CSMD1: variants seen among roughly 807,000 people sequenced by gnomAD.
CSMD1 encodes CUB and Sushi multiple domains 1.
CSMD1 carries 213 observed loss-of-function variants against 417.5 expected under a neutral mutation model. The observed-to-expected ratio is 0.51, with a 90% CI of 0.46 to 0.57. The LOEUF (loss-of-function observed/expected upper bound fraction) is 0.57. CSMD1 is among the 20% of genes least tolerant of loss of function. The pLI, the probability that CSMD1 is intolerant of heterozygous loss-of-function variation, is 0.00. For synonymous variants in CSMD1, 2,862 were observed against 1,736.8 expected (o/e 1.65, Z -16.11); for missense variants, 6,923 against 4,529.7 (o/e 1.53, Z -15.17).
At chr8:3,820,075 C>G (rs1372715255) in intron 5 of CSMD1, among the ~76,000 whole-genome samples, 1 of 152,188 alleles carries the variant, frequency 6.6e-6, no homozygotes, top group Non-Finnish European at 1.5e-5. Flanking sequence ...TTAAGACGCT[C>G]AGTGATTCTG....
intron 1 of CSMD1, among the ~76,000 whole-genome samples, chr8:4,767,568 C>A (rs1585067286): frequency 6.6e-6 from 1 of 152,136 alleles, no homozygotes; most frequent in Non-Finnish European, 1.5e-5. Flanking sequence ...TGGGGCCTCT[C>A]CTCCCTTTCC....
chr8:3,631,451 G>C (rs958434568), intron 7 of CSMD1, among the ~76,000 whole-genome samples: 4 of 152,206 alleles, frequency 2.6e-5, no homozygotes, highest in African/African-American at 9.6e-5. Flanking sequence ...TTGAGGTCAA[G>C]AATAGGCAGA....
At chr8:3,998,517 A>G (rs991213050) in intron 4 of CSMD1, among the ~76,000 whole-genome samples, 1 of 152,196 alleles carries the variant, frequency 6.6e-6, no homozygotes, top group Admixed American at 6.6e-5. Flanking sequence ...GGCTTTGAGA[A>G]TACTGTGCTC....
intron 3 of CSMD1, among the ~76,000 whole-genome samples, chr8:4,066,608 A>T (rs1283811745): frequency 1.3e-5 from 2 of 152,180 alleles, no homozygotes; most frequent in Non-Finnish European, 2.9e-5. Context: ...CCAGAAGGGA[A>T]ATGTACCACA....
At chr8:4,401,387 G>C (rs180947479) in intron 3 of CSMD1, among the ~76,000 whole-genome samples, 2 of 152,298 alleles carry the variant, frequency 1.3e-5, no homozygotes, top group African/African-American at 4.8e-5. Context: ...AGGTGTATCA[G>C]ATGTTAGTTG....
intron 49 of CSMD1, among the ~76,000 whole-genome samples, chr8:3,058,873 C>G (rs1035771317): frequency 2.0e-5 from 3 of 152,082 alleles, no homozygotes; most frequent in African/African-American, 7.2e-5. Context: ...CTCAAGTACC[C>G]TGCAGGGACC....
At chr8:4,792,286 A>G (rs1797733401) in intron 1 of CSMD1, among the ~76,000 whole-genome samples, 1 of 152,198 alleles carries the variant, frequency 6.6e-6, no homozygotes, top group Admixed American at 6.5e-5. Flanking sequence ...CTACACCCCT[A>G]TAAAGGTGCA....
At chr8:3,484,182 A>G (rs1228234295) in intron 11 of CSMD1, among the ~76,000 whole-genome samples, 3 of 152,254 alleles carry the variant, frequency 2.0e-5, no homozygotes, top group African/African-American at 4.8e-5. Flanking sequence ...TGATATTAAC[A>G]TTTACTAAAC....
intron 41 of CSMD1, among the ~76,000 whole-genome samples, chr8:3,135,150 G>C (rs889620602): frequency 6.6e-6 from 1 of 152,092 alleles, no homozygotes; most frequent in African/African-American, 2.4e-5. Flanking sequence ...TCCTGGCCTT[G>C]AGCAATCTTC....
intron 1 of CSMD1, among the ~76,000 whole-genome samples, chr8:4,964,918 A>G (rs1563886619): frequency 6.6e-6 from 1 of 152,158 alleles, no homozygotes. Flanking sequence ...TTTTCAGCAC[A>G]TCAGCCCTTG....
intron 2 of CSMD1, among the ~76,000 whole-genome samples, chr8:4,483,183 G>A (rs1221925984): frequency 2.0e-5 from 3 of 152,060 alleles, no homozygotes; most frequent in Non-Finnish European, 4.4e-5. Context: ...ATTTCACTTG[G>A]TTCTCATTCT....
intron 5 of CSMD1, among the ~76,000 whole-genome samples, chr8:3,884,510 T>A (rs1806422442): frequency 6.6e-6 from 1 of 152,144 alleles, no homozygotes; most frequent in South Asian, 2.1e-4. Context: ...TGGATTCTCC[T>A]CCTTCGGGGT....
At position 3,797,259 on chromosome 8, in the gene CSMD1, T is replaced by C. The variant is rs142468445; in HGVS notation, c.819-43217A>G. Among the ~76,000 whole-genome samples the C allele has an allele frequency of 4.0e-3, 606 of 152,018 alleles. 2 individuals carry two copies. The highest frequency in any genetic ancestry group is 0.034 in the Middle Eastern group (10 of 294). On this transcript the variant is annotated intron_variant, in intron 5 of 69. Transcript: ENST00000635120. Reference sequence around the variant, plus strand: ...TTTTCAAACTCAAGTGGCTATAAAGTAGTTTTTAAAATTGAGGTAAAATAT... The same window carrying C: ...TTTTCAAACTCAAGTGGCTATAAAGCAGTTTTTAAAATTGAGGTAAAATAT...
At chr8:4,909,683 T>A (rs993953564) in intron 1 of CSMD1, among the ~76,000 whole-genome samples, 1 of 152,150 alleles carries the variant, frequency 6.6e-6, no homozygotes, top group South Asian at 2.1e-4. Context: ...CCGGATTTTC[T>A]CCTTCTCACA....
At chr8:4,962,709 G>C (rs1265285389) in intron 1 of CSMD1, among the ~76,000 whole-genome samples, 2 of 152,172 alleles carry the variant, frequency 1.3e-5, no homozygotes, top group East Asian at 1.9e-4. Flanking sequence ...GTGCAAGATT[G>C]ATGGATGGGC....
intron 3 of CSMD1, among the ~76,000 whole-genome samples, chr8:4,301,538 C>A (rs1411760571): frequency 1.3e-5 from 2 of 152,126 alleles, no homozygotes; most frequent in African/African-American, 4.8e-5. Context: ...GATCTGGGTG[C>A]AATGTTTTGG....
intron 5 of CSMD1, among the ~76,000 whole-genome samples, chr8:3,915,785 C>T (rs906517875): frequency 8.1e-5 from 12 of 147,910 alleles, no homozygotes; most frequent in East Asian, 4.0e-4. Flanking sequence ...CTAAAATTTT[C>T]GTATCAATTT....
intron 49 of CSMD1, among the ~76,000 whole-genome samples, chr8:3,074,874 G>C (rs1370316826): frequency 1.3e-5 from 2 of 152,156 alleles, no homozygotes; most frequent in African/African-American, 4.8e-5. Context: ...TACTGATGTG[G>C]TTTGTATCTA....
At chr8:4,084,251 A>G (rs1390684879) in intron 3 of CSMD1, among the ~76,000 whole-genome samples, 1 of 152,142 alleles carries the variant, frequency 6.6e-6, no homozygotes, top group Non-Finnish European at 1.5e-5. Flanking sequence ...CTACAAAATA[A>G]ATAAAAGTGA....
Sources: allele counts gnomAD v4.1 joint callset (sites outside exome capture counted in the v4.1 genomes callset), GRCh38; gene constraint gnomAD v4.1.1; transcripts MANE v1.5; gene names NCBI Gene and HGNC (gene_info 2026-07-23, HGNC 2026-07-21).